Variants in CTTN observed in about 807,000 individuals in gnomAD.
The protein encoded by CTTN is src substrate cortactin.
Under a neutral mutation model 84.0 loss-of-function variants are expected in CTTN, and 28 were observed. The observed-to-expected ratio is 0.33, with a 90% CI of 0.25 to 0.46. CTTN has a LOEUF of 0.46. CTTN is among the 20% of genes least tolerant of loss of function. The probability of loss-of-function intolerance (pLI) is 1.00; values close to 1 mark genes in which losing one functional copy is unlikely to be tolerated. For missense variants in CTTN, 641 were observed against 723.8 expected (o/e 0.89, Z 1.31); for synonymous variants, 301 against 288.8 (o/e 1.04, Z -0.43).
chr11:70,425,004 C>T (rs565966163), intron 12 of CTTN, among the ~76,000 whole-genome samples: 12 of 152,254 alleles, frequency 7.9e-5, no homozygotes, highest in South Asian at 2.1e-4. Flanking sequence ...CCAGCGTCTT[C>T]GCTTCCTGTA....
intron 4 of CTTN, chr11:70,408,386 GATTT>G (rs552594606): frequency 1.3e-5 from 2 of 152,110 alleles, no homozygotes; most frequent in African/African-American, 2.4e-5. Flanking sequence ...TGTTGTTAAA[GATTT>G]ATTTATTTAT....
chr11:70,434,956 T>C, intron 17 of CTTN, 70 bp from the exon 18 acceptor site: 1 of 1,551,950 alleles, frequency 6.4e-7, no homozygotes, highest in Non-Finnish European at 8.9e-7. Flanking sequence ...TTGCTCTGGG[T>C]TGTGCTTTTT....
chr11:70,421,036 G>C (rs113464536), intron 10 of CTTN, among the ~76,000 whole-genome samples: 48 of 152,354 alleles, frequency 3.2e-4, no homozygotes, highest in African/African-American at 1.1e-3. Flanking sequence ...AGGAGCCTGA[G>C]GGGGCTGAAA....
In CTTN at chr11:70,415,660, C is replaced by T. The variant is rs2058149728; in HGVS notation, c.403-3C>T. The T allele has an allele frequency of 6.8e-6, 11 of 1,613,896 alleles. No individual in the cohort carries two copies. Among genetic ancestry groups the T allele is most frequent in the Non-Finnish European group, 9.3e-6 (11 of 1,179,754 alleles). On this transcript the variant is annotated splice_polypyrimidine_tract_variant and splice_region_variant and intron_variant, in intron 6 of 17. Transcript: ENST00000301843. Reference sequence around the variant, plus strand: ...CTTTTTCATGTGTTTTTGGTCGTCACAGTCTGCTGTAGGCTTTGAATACCA... The same window carrying T: ...CTTTTTCATGTGTTTTTGGTCGTCATAGTCTGCTGTAGGCTTTGAATACCA...
At chr11:70,401,336 C>T (rs938422179) in intron 1 of CTTN, among the ~76,000 whole-genome samples, 3 of 151,854 alleles carry the variant, frequency 2.0e-5, no homozygotes, top group East Asian at 1.9e-4. Flanking sequence ...ATTAGCCGGG[C>T]GTGGTGGTAT....
intron 11 of CTTN, chr11:70,422,300 C>A: frequency 2.8e-6 from 1 of 358,388 alleles, no homozygotes; most frequent in South Asian, 2.1e-5. Context: ...CTAGGCTTTC[C>A]ACCTGCAGCG....
intron 1 of CTTN, among the ~76,000 whole-genome samples, chr11:70,404,030 A>T (rs560552229): frequency 1.5e-3 from 226 of 152,270 alleles, no homozygotes; most frequent in African/African-American, 5.3e-3. Flanking sequence ...ACAGGTATAC[A>T]CGACCATGCC....
At chr11:70,423,537 C>A (rs779959523) in intron 12 of CTTN, among the ~76,000 whole-genome samples, 5 of 152,188 alleles carry the variant, frequency 3.3e-5, no homozygotes, top group Non-Finnish European at 7.3e-5. Context: ...CATCCAGGGG[C>A]GTAGGCAGGC....
At chr11:70,428,274 T>A (rs1373101848) in intron 13 of CTTN, among the ~76,000 whole-genome samples, 1 of 145,982 alleles carries the variant, frequency 6.9e-6, no homozygotes, top group Non-Finnish European at 1.5e-5. Flanking sequence ...CAAGCGATTC[T>A]CCTGCCTCAG....
At position 70,398,587 on chromosome 11, in the gene CTTN, A is replaced by T. The variant is rs901033582; in HGVS notation, c.-125A>T. 4 of 151,922 alleles carry T rather than the reference A, an allele frequency of 2.6e-5. No individual in the cohort carries two copies. The highest frequency in any genetic ancestry group is 5.9e-5 in the Non-Finnish European group (4 of 68,038). 9.4% of individuals were successfully genotyped at this position (151,922 alleles called of 1,614,324 possible). A position where few individuals can be genotyped will look rare whatever the true frequency, so the allele number is the denominator to read the frequency against. On this transcript the variant is annotated 5_prime_UTR_variant, in exon 1 of 18. Transcript: ENST00000301843. ...GCTGGCGCGGCGGAATCCAGGGCCG[A>T]CCCGGGCCGGACCGACCCCAGGCGG... is the stretch of plus-strand genomic sequence containing the variant.
At chr11:70,411,409 G>T (rs571604154) in intron 5 of CTTN, among the ~76,000 whole-genome samples, 1 of 116,178 alleles carries the variant, frequency 8.6e-6, no homozygotes, top group Non-Finnish European at 1.6e-5. Context: ...GACGGAATCC[G>T]TGTTCAGTGC....
In CTTN at chr11:70,414,538, C is replaced by G. The variant is rs1419540623; in HGVS notation, c.292-4C>G. 3.1e-6 allele frequency: 5 copies of G among 1,610,566 alleles called. No individual in the cohort carries two copies. Among genetic ancestry groups the G allele is most frequent in the Non-Finnish European group, 4.2e-6 (5 of 1,176,962 alleles). On this transcript the variant is annotated splice_polypyrimidine_tract_variant and splice_region_variant and intron_variant, in intron 5 of 17. Transcript: ENST00000301843. Reference sequence around the variant, plus strand: ...TAATGCTTTGTGTTTGAACCCTGTTCCAGTCAGCTGTCGGCCACGAATATC... The same window carrying G: ...TAATGCTTTGTGTTTGAACCCTGTTGCAGTCAGCTGTCGGCCACGAATATC...
At position 70,404,968 on chromosome 11, in the gene CTTN, C is replaced by T. The variant is rs374910854; in HGVS notation, c.-97-297C>T. On this transcript the variant is annotated intron_variant, in intron 1 of 17. Transcript: ENST00000301843. Reference sequence around the variant, plus strand: ...GGTAAGCCGCGATTGTGCCATTGCACTCCAGCCTGTGCAACAAGAGTGAAA... The same window carrying T: ...GGTAAGCCGCGATTGTGCCATTGCATTCCAGCCTGTGCAACAAGAGTGAAA... Among the ~76,000 whole-genome samples the T allele has an allele frequency of 5.3e-5, 8 of 152,226 alleles. No homozygotes were observed. The East Asian group carries it at 9.6e-4, about 18-fold the overall frequency.
intron 5 of CTTN, among the ~76,000 whole-genome samples, chr11:70,411,231 AGCGTGT>A (rs1332406533): frequency 8.0e-5 from 12 of 150,674 alleles, no homozygotes; most frequent in Non-Finnish European, 1.3e-4. Context: ...CAGCGAGCGA[AGCGTGT>A]GCACACGGAC....
rs186644854 is a variant in CTTN at position 70,433,013 on chromosome 11, G to A, written c.1267-88G>A. 6.6e-3 allele frequency: 9,104 copies of A among 1,375,816 alleles called. 87 individuals are homozygous for A. Among genetic ancestry groups the A allele is most frequent in the Admixed American group, 8.3e-3 (400 of 48,456 alleles). The allele number at this position is 1,375,816 out of a possible 1,614,324, so 85.2% of individuals were successfully genotyped here. On this transcript the variant is annotated intron_variant, in intron 15 of 17. Coordinates refer to ENST00000301843, the MANE Select transcript of CTTN (RefSeq NM_005231.4). Reference sequence around the variant, plus strand: ...GCTGGGACTGAGAATTAGATGGCCCGTGGGTTTCTGCTGGCTGTGGCAGTA... The same window carrying A: ...GCTGGGACTGAGAATTAGATGGCCCATGGGTTTCTGCTGGCTGTGGCAGTA...
intron 15 of CTTN, 62 bp from the exon 16 acceptor site, chr11:70,433,039 C>A: frequency 6.6e-7 from 1 of 1,522,208 alleles, no homozygotes; most frequent in Admixed American, 1.9e-5. Flanking sequence ...TGTGGCAGTA[C>A]AGCTACTGCT....
chr11:70,423,471 G>T (rs1006681942), intron 12 of CTTN, among the ~76,000 whole-genome samples: 2 of 152,228 alleles, frequency 1.3e-5, no homozygotes, highest in Admixed American at 1.3e-4. Flanking sequence ...CCTGCGCGTG[G>T]CCTGTGGTCA....
chr11:70,431,627 G>A (rs960278341), intron 15 of CTTN, among the ~76,000 whole-genome samples: 3 of 152,076 alleles, frequency 2.0e-5, no homozygotes, highest in Non-Finnish European at 2.9e-5. Flanking sequence ...GCAGGACGCC[G>A]CCTCACTCCC....
At position 70,405,249 on chromosome 11, in the gene CTTN, C is replaced by T. The variant is rs1337336067; in HGVS notation, c.-97-16C>T. ...CATACATCCTTCTCAGCTTTTTACC[C>T]TTAATCTTTTTACAGACGGAATCAG... On this transcript the variant is annotated splice_polypyrimidine_tract_variant and intron_variant, in intron 1 of 17. Coordinates refer to ENST00000301843, the MANE Select transcript of CTTN (RefSeq NM_005231.4). The T allele has an allele frequency of 2.0e-5, 3 of 152,200 alleles. No homozygotes were observed. Among genetic ancestry groups the T allele is most frequent in the Non-Finnish European group, 4.4e-5 (3 of 68,034 alleles). The allele number at this position is 152,200 out of a possible 1,614,324, so 9.4% of individuals were successfully genotyped here. A position where few individuals can be genotyped will look rare whatever the true frequency, so the allele number is the denominator to read the frequency against.
Sources: allele counts gnomAD v4.1 joint callset (sites outside exome capture counted in the v4.1 genomes callset), GRCh38; gene constraint gnomAD v4.1.1; transcripts MANE v1.5; gene names NCBI Gene and HGNC (gene_info 2026-07-23, HGNC 2026-07-21).